Variants in CDYL observed in about 807,000 individuals in gnomAD.
CDYL encodes chromodomain Y like, also known as chromodomain Y-like protein.
CDYL carries 8 observed loss-of-function variants against 47.3 expected under a neutral mutation model. The ratio of observed to expected loss-of-function variants is 0.17; its 90% CI spans 0.10 to 0.31. The LOEUF is 0.31. Ranked by LOEUF, CDYL falls within the 10% of genes least tolerant of loss-of-function variation. CDYL has a pLI of 1.00. For synonymous variants in CDYL, 266 were observed against 265.0 expected, an observed-to-expected ratio of 1.00 and a Z score of -0.04; for missense variants, 471 against 701.4, an observed-to-expected ratio of 0.67 and a Z score of 3.71.
chr6:4,855,074 G>A (rs1002010045), intron 1 of CDYL, among the ~76,000 whole-genome samples: 1 of 152,190 alleles, frequency 6.6e-6, no homozygotes, highest in Non-Finnish European at 1.5e-5. Context: ...AGGATAAAAT[G>A]AGAGAAATAA....
At chr6:4,914,633 A>C (rs955831757) in intron 2 of CDYL, among the ~76,000 whole-genome samples, 3 of 152,212 alleles carry the variant, frequency 2.0e-5, no homozygotes, top group African/African-American at 7.2e-5. Context: ...TCCAGCTGTA[A>C]CCAGCGTTTT....
At chr6:4,884,295 G>A (rs1449395916) in intron 1 of CDYL, among the ~76,000 whole-genome samples, 1 of 152,194 alleles carries the variant, frequency 6.6e-6, no homozygotes, top group African/African-American at 2.4e-5. Flanking sequence ...GCTTTAGCTG[G>A]CTGGGTCCAG....
intron 3 of CDYL, among the ~76,000 whole-genome samples, chr6:4,770,049 A>G (rs766736339): frequency 6.6e-6 from 1 of 151,394 alleles, no homozygotes; most frequent in Non-Finnish European, 1.5e-5. Context: ...GTTAGCCAGG[A>G]TATGGTCTCA....
intron 2 of CDYL, among the ~76,000 whole-genome samples, chr6:4,919,218 A>C (rs1237706766): frequency 6.6e-6 from 1 of 152,156 alleles, no homozygotes; most frequent in Admixed American, 6.5e-5. Context: ...AAGCTTGATG[A>C]GGCCTGGATC....
At chr6:4,910,864 C>T (rs1211341573) in intron 2 of CDYL, among the ~76,000 whole-genome samples, 1 of 151,690 alleles carries the variant, frequency 6.6e-6, no homozygotes, top group African/African-American at 2.4e-5. Context: ...GACGGAGTCT[C>T]TCTCTGTCGC....
At chr6:4,748,649 T>C (rs1294255299) in intron 3 of CDYL, among the ~76,000 whole-genome samples, 1 of 60,906 alleles carries the variant, frequency 1.6e-5, no homozygotes, top group Non-Finnish European at 3.5e-5. Context: ...GAGAGACTGA[T>C]GGCAAAGACA....
intron 2 of CDYL, among the ~76,000 whole-genome samples, chr6:4,720,267 G>C (rs1757343681): frequency 6.6e-6 from 1 of 152,170 alleles, no homozygotes; most frequent in Non-Finnish European, 1.5e-5. Flanking sequence ...AAAGCAAAAG[G>C]GGAATGTGGT....
rs759655988 is a variant in CDYL, at chr6:4,891,663, C to T, written c.25-50C>T. On this transcript the variant is annotated intron_variant, in intron 1 of 6. Transcript: ENST00000397588. ...GTTTCCTAATGAAACTTGCACTTTT[C>T]CCCCCAAATTTTGATTTTTTTAAAA... 4.1e-6 allele frequency: 6 copies of T among 1,451,030 alleles called. No individual in the cohort carries two copies. The African/African-American group carries it at 7.2e-5, about 17-fold the overall frequency. 89.9% of individuals were successfully genotyped at this position (1,451,030 alleles called of 1,614,324 possible). A position where few individuals can be genotyped will look rare whatever the true frequency, so the allele number is the denominator to read the frequency against.
intron 2 of CDYL, among the ~76,000 whole-genome samples, chr6:4,721,924 G>A (rs944771093): frequency 6.6e-6 from 1 of 151,492 alleles, no homozygotes; most frequent in Non-Finnish European, 1.5e-5. Flanking sequence ...ATGCAGTAGC[G>A]TGATTTCGGC....
chr6:4,830,579 CTTTTA>C (rs961466218), intron 1 of CDYL, among the ~76,000 whole-genome samples: 1 of 151,740 alleles, frequency 6.6e-6, no homozygotes. Flanking sequence ...GCTTAGGTTT[CTTTTA>C]TTTATTTATT....
rs897397101 is a variant in CDYL at position 4,759,957 on chromosome 6, A to G, written c.186+25113A>G. ...GAAAGAAAAGAAAAGAAAGAAAGAA[A>G]AAAGAAAAACAAAAGAAATTATAGG... On this transcript the variant is annotated intron_variant, in intron 3 of 8. Transcript: ENST00000328908. 2.0e-5 allele frequency among the ~76,000 whole-genome samples: 3 copies of G among 149,624 alleles called. 1 individual carries two copies. The highest frequency in any genetic ancestry group is 7.3e-5 in the African/African-American group (3 of 40,952).
chr6:4,831,871 CTGTT>C (rs1205522733), intron 1 of CDYL, among the ~76,000 whole-genome samples: 5 of 152,170 alleles, frequency 3.3e-5, no homozygotes, highest in South Asian at 2.1e-4. Flanking sequence ...ATTTGGCTCT[CTGTT>C]TGTCTGTTAT....
chr6:4,817,450 C>A (rs1280188470), intron 1 of CDYL, among the ~76,000 whole-genome samples: 1 of 152,072 alleles, frequency 6.6e-6, no homozygotes, highest in African/African-American at 2.4e-5. Context: ...GAGTGACCAT[C>A]TGAACATTCC....
At chr6:4,765,296 C>T (rs935582425) in intron 3 of CDYL, among the ~76,000 whole-genome samples, 6 of 151,554 alleles carry the variant, frequency 4.0e-5, no homozygotes, top group Admixed American at 6.6e-5. Flanking sequence ...GTACTCCAGC[C>T]TTGGTGACAG....
intron 1 of CDYL, among the ~76,000 whole-genome samples, chr6:4,810,115 G>T (rs1409693479): frequency 6.6e-6 from 1 of 152,132 alleles, no homozygotes; most frequent in Non-Finnish European, 1.5e-5. Context: ...TGATCTTGGT[G>T]TATGTGTGTG....
intron 2 of CDYL, among the ~76,000 whole-genome samples, chr6:4,731,174 G>A (rs1307762146): frequency 6.6e-6 from 1 of 152,080 alleles, no homozygotes; most frequent in Non-Finnish European, 1.5e-5. Flanking sequence ...TTGTACGATT[G>A]TATTTGTCTT....
intron 1 of CDYL, among the ~76,000 whole-genome samples, chr6:4,869,310 G>A (rs1287332615): frequency 5.3e-5 from 8 of 151,988 alleles, no homozygotes; most frequent in African/African-American, 1.9e-4. Flanking sequence ...TGGCCAGGCT[G>A]GTCTCAAACT....
chr6:4,828,898 C>T (rs982970093), intron 1 of CDYL, among the ~76,000 whole-genome samples: 2 of 152,104 alleles, frequency 1.3e-5, no homozygotes, highest in African/African-American at 4.8e-5. Flanking sequence ...TTCTGAGCCT[C>T]TCTAGTGAAT....
intron 3 of CDYL, among the ~76,000 whole-genome samples, chr6:4,937,081 G>T (rs918212962): frequency 1.7e-4 from 26 of 152,204 alleles, no homozygotes; most frequent in African/African-American, 6.3e-4. Context: ...TTTAGGCAGG[G>T]TGCGGTGGCT....
Sources: gnomAD v4.1 joint callset for allele counts (sites outside exome capture counted in the v4.1 genomes callset) on GRCh38, gnomAD v4.1.1 for gene constraint, MANE v1.5 for transcripts, NCBI Gene and HGNC (gene_info 2026-07-23, HGNC 2026-07-21) for gene names.